OR2C1: variants seen among roughly 807,000 people sequenced by gnomAD.
OR2C1 encodes the protein olfactory receptor 2C1.
For synonymous variants in OR2C1, 209 were observed against 167.3 expected (o/e 1.25, Z -1.92); for missense variants, 468 against 388.3 (o/e 1.21, Z -1.73).
upstream of OR2C1, among the ~76,000 whole-genome samples, chr16:3,353,588 G>T (rs1207704992): frequency 6.6e-6 from 1 of 151,786 alleles, no homozygotes; most frequent in African/African-American, 2.4e-5. Flanking sequence ...ATAACCTGAG[G>T]CCAGGAGTTC....
At chr16:3,330,013 A>G in the OR2C1 span, among the ~76,000 whole-genome samples, 27 of 151,786 alleles carry the variant, frequency 1.8e-4, 1 homozygote, top group Admixed American at 7.2e-4. Flanking sequence ...TCGGCCTCCC[A>G]AAGTGCTGGG....
the OR2C1 span, among the ~76,000 whole-genome samples, chr16:3,346,222 C>G: frequency 6.6e-6 from 1 of 152,030 alleles, no homozygotes; most frequent in South Asian, 2.1e-4. Context: ...TGACTCTTTA[C>G]AATCAGATTG....
the OR2C1 span, among the ~76,000 whole-genome samples, chr16:3,345,646 T>C: frequency 6.6e-6 from 1 of 152,114 alleles, no homozygotes; most frequent in Non-Finnish European, 1.5e-5. Context: ...ATCAAACACA[T>C]CAATAGAGTA....
the OR2C1 span, among the ~76,000 whole-genome samples, chr16:3,327,897 A>T: frequency 6.6e-6 from 1 of 152,120 alleles, no homozygotes; most frequent in African/African-American, 2.4e-5. Flanking sequence ...AAGCATTAAA[A>T]TTTCATTATA....
chr16:3,336,728 G>C, the OR2C1 span, among the ~76,000 whole-genome samples: 1 of 42,106 alleles, frequency 2.4e-5, no homozygotes, highest in Admixed American at 2.6e-4. Context: ...TTTTTTTTGA[G>C]ACAGAGTTTC....
the OR2C1 span, among the ~76,000 whole-genome samples, chr16:3,350,547 G>T: frequency 2.0e-5 from 3 of 149,498 alleles, no homozygotes; most frequent in Non-Finnish European, 4.5e-5. Flanking sequence ...GAGTAGCTGG[G>T]ACTACAGGCG....
chr16:3,322,996 A>G, the OR2C1 span: 1 of 912,460 alleles, frequency 1.1e-6, no homozygotes. Context: ...TTTCCTTGGA[A>G]CTGGACTGTG....
At chr16:3,343,490 G>A in the OR2C1 span, among the ~76,000 whole-genome samples, 3 of 152,150 alleles carry the variant, frequency 2.0e-5, no homozygotes, top group African/African-American at 4.8e-5. Flanking sequence ...GGTGGCTCAC[G>A]CCTGTGATCC....
chr16:3,332,465 A>T, the OR2C1 span, among the ~76,000 whole-genome samples: 4 of 151,850 alleles, frequency 2.6e-5, no homozygotes, highest in Non-Finnish European at 4.4e-5. Context: ...TATTTTTTCT[A>T]CCTAACTGTA....
the OR2C1 span, chr16:3,323,769 C>G: frequency 7.0e-6 from 5 of 709,552 alleles, no homozygotes; most frequent in African/African-American, 8.8e-5. Context: ...AGGAATGATT[C>G]CAGTCCCTTA....
At chr16:3,346,248 C>T in the OR2C1 span, among the ~76,000 whole-genome samples, 1 of 152,096 alleles carries the variant, frequency 6.6e-6, no homozygotes, top group Non-Finnish European at 1.5e-5. Flanking sequence ...TCCCTGAGGG[C>T]ATGGACTATA....
the OR2C1 span, among the ~76,000 whole-genome samples, chr16:3,325,456 T>TAA: frequency 7.1e-4 from 49 of 68,780 alleles, no homozygotes; most frequent in African/African-American, 1.9e-3. Context: ...GCATTATGTC[T>TAA]AAAAATATAT....
the OR2C1 span, among the ~76,000 whole-genome samples, chr16:3,343,248 C>G: frequency 6.6e-6 from 1 of 151,994 alleles, no homozygotes; most frequent in Admixed American, 6.6e-5. Flanking sequence ...ACAAGTACAA[C>G]AAAGGAAATC....
chr16:3,356,889 C>A lies in OR2C1; in HGVS notation c.*10C>A. ...AAGAGAAGTTGGCTGAGAGAACACT[C>A]CTTCGTTATTTATTGCGTCTTCATC... is the stretch of plus-strand genomic sequence containing the variant. On this transcript the variant is annotated 3_prime_UTR_variant, in exon 1 of 1. Coordinates refer to ENST00000304936, the MANE Select transcript of OR2C1 (RefSeq NM_012368.3). The A allele has an allele frequency of 6.5e-7, 1 of 1,547,902 alleles. No individual in the cohort carries two copies. The highest frequency in any genetic ancestry group is 8.7e-7 in the Non-Finnish European group (1 of 1,145,546).
At chr16:3,355,457 C>CAAAAA (rs56022625), upstream of OR2C1, among the ~76,000 whole-genome samples, 1 of 45,506 alleles carries the variant, frequency 2.2e-5, no homozygotes, top group Admixed American at 3.7e-4. Flanking sequence ...GACTCTGTCT[C>CAAAAA]AAAAAAAAAA....
the OR2C1 span, among the ~76,000 whole-genome samples, chr16:3,334,139 A>ATT: frequency 7.0e-6 from 1 of 142,840 alleles, no homozygotes; most frequent in Non-Finnish European, 1.5e-5. Flanking sequence ...TGCTTTGCTA[A>ATT]TTTTTTTTTT....
the OR2C1 span, among the ~76,000 whole-genome samples, chr16:3,348,643 G>C: frequency 6.6e-6 from 1 of 152,198 alleles, no homozygotes; most frequent in Non-Finnish European, 1.5e-5. Flanking sequence ...GCAGAAGCCA[G>C]ACTGATCCTG....
the OR2C1 span, among the ~76,000 whole-genome samples, chr16:3,334,946 G>A: frequency 1.3e-5 from 2 of 151,960 alleles, no homozygotes; most frequent in Non-Finnish European, 2.9e-5. Flanking sequence ...AGCCTCCCCA[G>A]TAGCTGGGAT....
the OR2C1 span, among the ~76,000 whole-genome samples, chr16:3,337,366 A>ACCATGTTG: frequency 2.2e-5 from 3 of 137,966 alleles, no homozygotes; most frequent in African/African-American, 8.2e-5. Flanking sequence ...ACGGGGTTTC[A>ACCATGTTG]CCATGTTGCC....
Sources: allele counts gnomAD v4.1 joint callset (sites outside exome capture counted in the v4.1 genomes callset), GRCh38; gene constraint gnomAD v4.1.1; transcripts MANE v1.5; gene names NCBI Gene and HGNC (gene_info 2026-07-23, HGNC 2026-07-21).